The following APH1B variants were observed in gnomAD, a reference collection of about 807,000 sequenced individuals.
APH1B encodes the protein aph-1B gamma-secretase subunit.
Under a neutral mutation model 28.2 loss-of-function variants are expected in APH1B, and 27 were observed. The ratio of observed to expected loss-of-function variants is 0.96; its 90% confidence interval spans 0.70 to 1.32. APH1B has a LOEUF of 1.32. APH1B is among the 40% of genes most tolerant of loss of function. The pLI, the probability that APH1B is intolerant of heterozygous loss-of-function variation, is 0.00. For synonymous variants in APH1B, 141 were observed against 124.6 expected (o/e 1.13, Z -0.88); for missense variants, 305 against 313.6 (o/e 0.97, Z 0.21).
Position 63,304,133 on chromosome 15 carries a change from AG to A in APH1B, c.607-1480del, listed in dbSNP as rs2038663071. Among the ~76,000 whole-genome samples the A allele has an allele frequency of 6.6e-6, 1 of 152,116 alleles. No individual in the cohort carries two copies. The highest frequency in any genetic ancestry group is 2.1e-4 in the South Asian group (1 of 4,832). ...ACATAAATTGATAAATTATAGTAAAAGTTTTCATTTACGTTTCCCTGATGAT... is the reference window on the plus strand; with the variant it reads ...ACATAAATTGATAAATTATAGTAAAATTTTCATTTACGTTTCCCTGATGAT... On this transcript the variant is annotated intron_variant, in intron 5 of 5. Coordinates refer to ENST00000261879, the MANE Select transcript of APH1B (RefSeq NM_031301.4). This position sits in a 1 kb window ranked among gnomAD's most constrained non-coding sequence, Gnocchi z 5.1.
chr15:63,279,217 G>C lies in APH1B; in HGVS notation c.170G>C (p.Arg57Thr). ...TCGTCCCTTGTTTGGTTCATGGCAA[G>C]AGTCATTATTGACAACAAAGATGGA... ...LISSLVWFMA[R>T]VIIDNKDGPT... Residue 57 changes from arginine to threonine, a missense_variant, in exon 2 of 6, where the codon AGA becomes ACA. Arg to Thr is a moderately conservative substitution (Grantham distance 71). Coordinates refer to ENST00000261879, the MANE Select transcript of APH1B (RefSeq NM_031301.4). 1 of 1,612,672 alleles carries C rather than the reference G, an allele frequency of 6.2e-7. No homozygotes were observed. Among genetic ancestry groups the C allele is most frequent in the South Asian group, 1.1e-5 (1 of 91,022 alleles).
chr15:63,277,915 A>C (rs2038342553), intron 1 of APH1B, 179 bp downstream of exon 1: 2 of 622,948 alleles, frequency 3.2e-6, no homozygotes, highest in Admixed American at 6.4e-5. Flanking sequence ...TCTTAGGAAG[A>C]AGCGCACACT....
intron 1 of APH1B, among the ~76,000 whole-genome samples, chr15:63,278,511 G>A (rs1013576575): frequency 1.3e-5 from 2 of 152,208 alleles, no homozygotes; most frequent in Non-Finnish European, 2.9e-5. Flanking sequence ...CGTATTGAAA[G>A]TGCTTCGCTG....
Position 63,305,474 on chromosome 15 carries a change from A to G in APH1B, c.607-140A>G, listed in dbSNP as rs77862400. The stretch of plus-strand genomic sequence containing the variant: ...TTAGTTCTACATGCCTCAGGGCCTT[A>G]ACGCATGACACACATCATACGTTTG... On this transcript the variant is annotated intron_variant, in intron 5 of 5. Coordinates refer to ENST00000261879, the MANE Select transcript of APH1B (RefSeq NM_031301.4). The G allele has an allele frequency of 6.5e-4, 609 of 934,886 alleles. 5 individuals are homozygous for G. In the African/African-American group the frequency reaches 9.1e-3, roughly 14 times the overall value. The allele number at this position is 934,886 out of a possible 1,614,324, so 57.9% of individuals were successfully genotyped here. A position where few individuals can be genotyped will look rare whatever the true frequency, so the allele number is the denominator to read the frequency against.
chr15:63,277,615 G>C lies in APH1B; in HGVS notation c.-9G>C, dbSNP rs1441175867. On this transcript the variant is annotated 5_prime_UTR_variant, in exon 1 of 6. Transcript: ENST00000261879. ...CCAACGGGCCCCCGGGTCGGTTTCCGCGGTGGCCATGACTGCGGCCGTGTT... is the reference window on the plus strand; with the variant it reads ...CCAACGGGCCCCCGGGTCGGTTTCCCCGGTGGCCATGACTGCGGCCGTGTT... 3 of 1,435,298 alleles carry C rather than the reference G, an allele frequency of 2.1e-6. No individual in the cohort carries two copies. Among genetic ancestry groups the C allele is most frequent in the Non-Finnish European group, 1.9e-6 (2 of 1,076,900 alleles). The allele number at this position is 1,435,298 out of a possible 1,614,324, so 88.9% of individuals were successfully genotyped here. A position where few individuals can be genotyped will look rare whatever the true frequency, so the allele number is the denominator to read the frequency against.
chr15:63,284,218 C>CTTT (rs34480156), intron 2 of APH1B, among the ~76,000 whole-genome samples: 11 of 138,172 alleles, frequency 8.0e-5, no homozygotes, highest in South Asian at 2.3e-4. Flanking sequence ...ATGTGCTTTG[C>CTTT]TTTTTTTTTT....
intron 4 of APH1B, among the ~76,000 whole-genome samples, chr15:63,289,420 G>A (rs2038480186): frequency 1.3e-5 from 2 of 152,008 alleles, no homozygotes; most frequent in South Asian, 4.2e-4. Context: ...TATATGTTTA[G>A]TATACTCCAT....
At chr15:63,279,094 C>G in intron 1 of APH1B, 67 bp from the exon 2 acceptor site, 3 of 1,023,466 alleles carry the variant, frequency 2.9e-6, no homozygotes, top group Non-Finnish European at 2.6e-6. Context: ...TTTTTTTTTT[C>G]CTGCTTTTAA....
At chr15:63,281,509 A>G (rs1262015034) in intron 2 of APH1B, among the ~76,000 whole-genome samples, 2 of 145,224 alleles carry the variant, frequency 1.4e-5, no homozygotes, top group Admixed American at 7.1e-5. Context: ...GCCCATATGC[A>G]TTTTCATGCC....
At chr15:63,287,573 C>G (rs1487958568) in intron 4 of APH1B, 27 bp downstream of exon 4, 1 of 1,610,466 alleles carries the variant, frequency 6.2e-7, no homozygotes, top group East Asian at 2.2e-5. Flanking sequence ...TGTCAACATT[C>G]AGGCTTCTAG....
intron 1 of APH1B, chr15:63,278,277 G>C (rs1441326776): frequency 4.4e-6 from 2 of 456,240 alleles, no homozygotes; most frequent in African/African-American, 4.0e-5. Flanking sequence ...CTTTTGGATG[G>C]TTCCGTTGTG....
intron 4 of APH1B, among the ~76,000 whole-genome samples, chr15:63,293,321 C>T (rs1401354927): frequency 9.9e-5 from 15 of 151,128 alleles, no homozygotes; most frequent in African/African-American, 3.6e-4. Flanking sequence ...CCTGCCACCA[C>T]GCCTGGCTAA....
intron 5 of APH1B, 102 bp downstream of exon 5, chr15:63,302,574 G>A: frequency 7.0e-7 from 1 of 1,429,990 alleles, no homozygotes; most frequent in East Asian, 2.4e-5. Flanking sequence ...ATGAGAACAT[G>A]AGGAAATTCA....
chr15:63,284,512 C>CTTTTATATGA, intron 2 of APH1B, among the ~76,000 whole-genome samples: 1 of 152,182 alleles, frequency 6.6e-6, no homozygotes, highest in South Asian at 2.1e-4. Flanking sequence ...CTGCGCCTGG[C>CTTTTATATGA]CAATATGTGC....
rs563043010 is a variant in APH1B at position 63,292,011 on chromosome 15, T to TAA, written c.478+4467_478+4468dup. ...GCCTTTAGACCTGTGAGCATGAGAATAAATTTTTGTTACTGTAACCCAATA... is the reference window on the plus strand; with the variant it reads ...GCCTTTAGACCTGTGAGCATGAGAATAAAAATTTTTGTTACTGTAACCCAATA... On this transcript the variant is annotated intron_variant, in intron 4 of 5. Coordinates refer to ENST00000261879, the MANE Select transcript of APH1B (RefSeq NM_031301.4). 336 of 152,348 alleles carry TAA rather than the reference T, an allele frequency of 2.2e-3. 3 individuals carry two copies. The highest frequency in any genetic ancestry group is 7.8e-3 in the African/African-American group (326 of 41,582). 9.4% of individuals were successfully genotyped at this position (152,348 alleles called of 1,614,324 possible).
intron 4 of APH1B, among the ~76,000 whole-genome samples, chr15:63,295,686 C>G (rs1358707792): frequency 1.3e-5 from 2 of 152,166 alleles, no homozygotes; most frequent in African/African-American, 4.8e-5. Context: ...CCCCTGTCCC[C>G]CAGTTGTGAT....
chr15:63,301,600 C>CT (rs911176475), intron 4 of APH1B, among the ~76,000 whole-genome samples: 414 of 145,022 alleles, frequency 2.9e-3, no homozygotes, highest in Middle Eastern at 0.018. Flanking sequence ...TCTTCTTCTT[C>CT]TTTTTTTTTT....
chr15:63,299,936 G>T (rs1275330989), intron 4 of APH1B, among the ~76,000 whole-genome samples: 1 of 152,012 alleles, frequency 6.6e-6, no homozygotes, highest in Non-Finnish European at 1.5e-5. Flanking sequence ...TAGGTGTGGG[G>T]CGGGAAAGGA....
intron 4 of APH1B, among the ~76,000 whole-genome samples, chr15:63,300,269 T>C (rs2038612534): frequency 6.6e-6 from 1 of 152,010 alleles, no homozygotes; most frequent in South Asian, 2.1e-4. Context: ...AAACAAGAAC[T>C]AAGGACCTTT....
Sources: allele counts gnomAD v4.1 joint callset (sites outside exome capture counted in the v4.1 genomes callset), GRCh38; gene constraint gnomAD v4.1.1; non-coding constraint Gnocchi (gnomAD v3.1); transcripts MANE v1.5; gene names NCBI Gene and HGNC (gene_info 2026-07-23, HGNC 2026-07-21).